AHCYL2: variants seen among roughly 807,000 people sequenced by gnomAD.
The protein encoded by AHCYL2 is adenosylhomocysteinase like 2.
In AHCYL2, 28 loss-of-function variants were observed where a neutral mutation model predicts 81.4. The ratio of observed to expected loss-of-function variants is 0.34; its 90% confidence interval spans 0.25 to 0.47. The LOEUF (loss-of-function observed/expected upper bound fraction) is 0.47, where lower values mean the gene tolerates loss of function less well. Ranked by LOEUF, AHCYL2 falls within the 20% of genes least tolerant of loss-of-function variation. AHCYL2 has a pLI of 1.00. For missense variants in AHCYL2, 551 were observed against 785.1 expected, an observed-to-expected ratio of 0.70 and a Z score of 3.56; for synonymous variants, 272 against 290.2, an observed-to-expected ratio of 0.94 and a Z score of 0.64.
intron 1 of AHCYL2, among the ~76,000 whole-genome samples, chr7:129,243,061 C>T (rs949594472): frequency 2.1e-5 from 3 of 145,566 alleles, no homozygotes; most frequent in Non-Finnish European, 3.0e-5. Context: ...CACTCTGTCG[C>T]CCAGGCTGGA....
At position 129,419,277 on chromosome 7, in the gene AHCYL2, C is replaced by G. The variant is rs1481829069; in HGVS notation, c.1462-3563C>G. On this transcript the variant is annotated intron_variant, in intron 12 of 16. Transcript: ENST00000325006. The surrounding 1 kb of genome is among the most constrained non-coding windows in gnomAD (Gnocchi z 4.7). ...TTTGTCTTAAAAGCAGACCTGCAGCCAGGTGTGGTGGCTCACGCCTGTAAT... is the reference window on the plus strand; with the variant it reads ...TTTGTCTTAAAAGCAGACCTGCAGCGAGGTGTGGTGGCTCACGCCTGTAAT... Among the ~76,000 whole-genome samples, 8 of 152,106 alleles carry G rather than the reference C, an allele frequency of 5.3e-5. No individual in the cohort carries two copies. Among genetic ancestry groups the G allele is most frequent in the Admixed American group, 5.2e-4 (8 of 15,268 alleles).
At chr7:129,246,505 T>G (rs1795062571) in intron 1 of AHCYL2, among the ~76,000 whole-genome samples, 1 of 152,222 alleles carries the variant, frequency 6.6e-6, no homozygotes, top group Non-Finnish European at 1.5e-5. Flanking sequence ...TCTGTTTATT[T>G]TTATTTTTTT....
At chr7:129,410,839 TA>T (rs749705520) in intron 11 of AHCYL2, among the ~76,000 whole-genome samples, 214 of 151,540 alleles carry the variant, frequency 1.4e-3, no homozygotes, top group African/African-American at 4.8e-3. Context: ...TCAGACAGAA[TA>T]AAAAAAAATT....
intron 1 of AHCYL2, among the ~76,000 whole-genome samples, chr7:129,246,982 A>G (rs1795085110): frequency 6.6e-6 from 1 of 152,206 alleles, no homozygotes; most frequent in South Asian, 2.1e-4. Context: ...ATGGACATTT[A>G]GATTATATCA....
At chr7:129,279,613 G>A (rs889656840) in intron 1 of AHCYL2, among the ~76,000 whole-genome samples, 1 of 152,180 alleles carries the variant, frequency 6.6e-6, no homozygotes, top group African/African-American at 2.4e-5. Context: ...GAAAGTAAAG[G>A]AATAAAAGAA....
intron 1 of AHCYL2, among the ~76,000 whole-genome samples, chr7:129,250,138 CAAA>C (rs958053776): frequency 6.7e-6 from 1 of 148,216 alleles, no homozygotes; most frequent in Non-Finnish European, 1.5e-5. Context: ...CCATCTCTTC[CAAA>C]AAAAAAAGTT....
intron 1 of AHCYL2, among the ~76,000 whole-genome samples, chr7:129,325,514 T>C (rs564387467): frequency 1.3e-5 from 2 of 152,176 alleles, no homozygotes; most frequent in Non-Finnish European, 2.9e-5. Flanking sequence ...GTTTTGTTTA[T>C]ACCTTTGTGC....
chr7:129,336,061 C>T (rs1245317783), intron 1 of AHCYL2, among the ~76,000 whole-genome samples: 1 of 120,132 alleles, frequency 8.3e-6, no homozygotes, highest in Non-Finnish European at 1.6e-5. Flanking sequence ...TTTCTCTTCT[C>T]TTTTCTTTCC....
intron 1 of AHCYL2, among the ~76,000 whole-genome samples, chr7:129,249,287 TGCACCCA>T (rs1322676649): frequency 1.3e-5 from 2 of 151,322 alleles, no homozygotes; most frequent in Non-Finnish European, 3.0e-5. Flanking sequence ...CATGAGCTGC[TGCACCCA>T]GCCCATTTTA....
intron 7 of AHCYL2, 111 bp from the exon 8 acceptor site, chr7:129,404,984 ATG>A: frequency 3.5e-6 from 2 of 570,818 alleles, no homozygotes; most frequent in Non-Finnish European, 6.2e-6. Flanking sequence ...GAAACTAGTC[ATG>A]TCTCATGGTC....
At chr7:129,385,818 A>G (rs1179771413) in intron 2 of AHCYL2, among the ~76,000 whole-genome samples, 1 of 152,204 alleles carries the variant, frequency 6.6e-6, no homozygotes, top group African/African-American at 2.4e-5. Context: ...GCTTTAGAGT[A>G]TGCTGACAAT....
intron 1 of AHCYL2, among the ~76,000 whole-genome samples, chr7:129,266,303 T>C (rs755971327): frequency 6.6e-6 from 1 of 152,222 alleles, no homozygotes; most frequent in South Asian, 2.1e-4. Context: ...AAAAAGGTAG[T>C]GGATGAGAAG....
chr7:129,405,953 T>C, intron 9 of AHCYL2, 54 bp downstream of exon 9: 9 of 1,563,324 alleles, frequency 5.8e-6, no homozygotes, highest in Admixed American at 1.7e-5. Context: ...TGTTGAAATA[T>C]TCTGGAATTT....
chr7:129,345,885 G>T (rs756237697), intron 1 of AHCYL2, among the ~76,000 whole-genome samples: 8 of 152,134 alleles, frequency 5.3e-5, no homozygotes, highest in African/African-American at 9.7e-5. Context: ...GCAGGTTTGG[G>T]GGGGTAAGAT....
intron 1 of AHCYL2, among the ~76,000 whole-genome samples, chr7:129,364,864 C>G (rs542333948): frequency 6.6e-6 from 1 of 152,204 alleles, no homozygotes; most frequent in African/African-American, 2.4e-5. Flanking sequence ...AAGGACTTCT[C>G]GTCAAATAAG....
chr7:129,332,397 G>A (rs1798453030), intron 1 of AHCYL2, among the ~76,000 whole-genome samples: 1 of 152,200 alleles, frequency 6.6e-6, no homozygotes, highest in South Asian at 2.1e-4. Context: ...GCATGTAATT[G>A]CCTCTTGGCA....
chr7:129,396,092 TTGTG>T (rs1163357312), intron 4 of AHCYL2, among the ~76,000 whole-genome samples: 4 of 152,016 alleles, frequency 2.6e-5, no homozygotes, highest in Admixed American at 2.0e-4. Context: ...TTGTGTGTGT[TTGTG>T]TGTTTATTTG....
At chr7:129,235,883 C>T (rs1236702760) in intron 1 of AHCYL2, among the ~76,000 whole-genome samples, 2 of 152,136 alleles carry the variant, frequency 1.3e-5, no homozygotes, top group African/African-American at 4.8e-5. Context: ...CATTGATGCA[C>T]ATTTACCTTA....
intron 1 of AHCYL2, among the ~76,000 whole-genome samples, chr7:129,276,503 C>T (rs918880019): frequency 1.3e-5 from 2 of 150,946 alleles, no homozygotes; most frequent in African/African-American, 4.9e-5. Context: ...ATAATCCCAG[C>T]ACTTTGGGAG....
Sources: allele counts gnomAD v4.1 joint callset (sites outside exome capture counted in the v4.1 genomes callset), GRCh38; gene constraint gnomAD v4.1.1; non-coding constraint Gnocchi (gnomAD v3.1); transcripts MANE v1.5; gene names NCBI Gene and HGNC (gene_info 2026-07-23, HGNC 2026-07-21).